Variants in ACOXL observed in about 807,000 individuals in gnomAD.
ACOXL encodes the protein acyl-coenzyme A oxidase-like protein.
A neutral mutation model predicts 71.9 loss-of-function variants in ACOXL; 70 were observed. That is an observed-to-expected ratio of 0.97 (90% CI 0.80 to 1.19). ACOXL has a LOEUF of 1.19. ACOXL is among the 50% of genes most tolerant of loss of function. ACOXL has a pLI of 0.00. For missense variants in ACOXL, 703 were observed against 736.3 expected (o/e 0.95, Z 0.52); for synonymous variants, 253 against 281.6 (o/e 0.90, Z 1.02).
intron 3 of ACOXL, among the ~76,000 whole-genome samples, chr2:110,786,321 TAAAAAC>T (rs1414711451): frequency 6.6e-6 from 1 of 152,138 alleles, no homozygotes; most frequent in Non-Finnish European, 1.5e-5. Context: ...AGGTAGGAAT[TAAAAAC>T]AAAGATATCT....
intron 10 of ACOXL, among the ~76,000 whole-genome samples, chr2:110,856,685 A>G (rs1379822191): frequency 6.6e-6 from 1 of 152,222 alleles, no homozygotes; most frequent in Admixed American, 6.5e-5. Flanking sequence ...CTTAATTAAG[A>G]TGGAAATTAA....
At chr2:110,872,566 C>T (rs964915698) in intron 10 of ACOXL, among the ~76,000 whole-genome samples, 1 of 152,228 alleles carries the variant, frequency 6.6e-6, no homozygotes, top group Admixed American at 6.5e-5. Flanking sequence ...TAGCCTCTCC[C>T]AGGTTCTCAT....
intron 14 of ACOXL, among the ~76,000 whole-genome samples, chr2:110,999,257 T>A (rs1228520112): frequency 6.6e-6 from 1 of 152,146 alleles, no homozygotes; most frequent in African/African-American, 2.4e-5. Flanking sequence ...GTCCTTCTTC[T>A]TATAAGAATA....
At chr2:111,035,654 G>A (rs555102070) in intron 15 of ACOXL, among the ~76,000 whole-genome samples, 14 of 152,300 alleles carry the variant, frequency 9.2e-5, no homozygotes, top group Admixed American at 3.3e-4. Flanking sequence ...AGAGCAGGTT[G>A]TAATTATAAT....
chr2:110,810,877 C>G (rs961839526), intron 9 of ACOXL, among the ~76,000 whole-genome samples: 1 of 152,192 alleles, frequency 6.6e-6, no homozygotes, highest in African/African-American at 2.4e-5. Flanking sequence ...CCTTAGGAAA[C>G]TTACAGTCAT....
At chr2:110,985,783 T>C (rs2062906887) in intron 12 of ACOXL, among the ~76,000 whole-genome samples, 1 of 152,190 alleles carries the variant, frequency 6.6e-6, no homozygotes, top group Admixed American at 6.5e-5. Context: ...TGCCTGCATG[T>C]ATTTTACCAC....
At chr2:111,038,915 G>A (rs886689842) in intron 15 of ACOXL, among the ~76,000 whole-genome samples, 4 of 152,064 alleles carry the variant, frequency 2.6e-5, no homozygotes, top group Non-Finnish European at 4.4e-5. Context: ...CATAGAAAAA[G>A]CAACTGTCTG....
At chr2:110,734,551 T>C (rs1454795363) in intron 1 of ACOXL, among the ~76,000 whole-genome samples, 1 of 152,078 alleles carries the variant, frequency 6.6e-6, no homozygotes, top group African/African-American at 2.4e-5. Flanking sequence ...GACCTCATAA[T>C]TCTTAACAGT....
rs201331384 is a variant in ACOXL at position 111,052,852 on chromosome 2, A to AC, written c.1440+3571dup. 5.3e-3 allele frequency among the ~76,000 whole-genome samples: 781 copies of AC among 147,762 alleles called. 8 individuals carry two copies. Among genetic ancestry groups the AC allele is most frequent in the Non-Finnish European group, 7.8e-3 (524 of 66,848 alleles). On this transcript the variant is annotated intron_variant, in intron 16 of 17. Transcript: ENST00000439055. Reference sequence around the variant, plus strand: ...AAACCCCACCAGTTTCTGTCCTCCCACCCCCCCAATCTAGGAACTGTGGGG... The same window carrying AC: ...AAACCCCACCAGTTTCTGTCCTCCCACCCCCCCCAATCTAGGAACTGTGGGG...
chr2:111,051,756 C>G (rs571319233), intron 16 of ACOXL, among the ~76,000 whole-genome samples: 44 of 152,336 alleles, frequency 2.9e-4, no homozygotes, highest in African/African-American at 1.0e-3. Flanking sequence ...AGACATACGC[C>G]ACTGCGCCCA....
At chr2:110,912,638 A>T (rs2149254999) in intron 11 of ACOXL, among the ~76,000 whole-genome samples, 1 of 152,248 alleles carries the variant, frequency 6.6e-6, no homozygotes, top group Middle Eastern at 3.4e-3. Context: ...TAAGACCTAA[A>T]ACAATAAATC....
intron 12 of ACOXL, among the ~76,000 whole-genome samples, chr2:110,936,686 T>G (rs1036243443): frequency 1.2e-4 from 19 of 152,138 alleles, no homozygotes; most frequent in African/African-American, 4.6e-4. Flanking sequence ...CTGGAAATAA[T>G]TAAGGATACA....
In ACOXL at chr2:110,963,602, TG is replaced by T. The variant is rs58939588; in HGVS notation, c.1060-23505del. 63 of 1,294,758 alleles carry T rather than the reference TG, an allele frequency of 4.9e-5. No individual in the cohort carries two copies. In the African/African-American group the frequency reaches 1.6e-3, roughly 34 times the overall value. The allele number at this position is 1,294,758 out of a possible 1,614,324, so 80.2% of individuals were successfully genotyped here. ...GTGTGTGTGTGTGTGTGTGTGTGTG[TG>T]TTTTTCTCTTTCTGCAACAGGGTTA... On this transcript the variant is annotated intron_variant, in intron 12 of 17. Transcript: ENST00000439055.
intron 10 of ACOXL, among the ~76,000 whole-genome samples, chr2:110,905,678 G>T (rs1350045082): frequency 6.6e-6 from 1 of 152,144 alleles, no homozygotes; most frequent in Admixed American, 6.5e-5. Context: ...GAGTGGAAAG[G>T]GCTCTGGCGT....
intron 12 of ACOXL, among the ~76,000 whole-genome samples, chr2:110,982,339 C>G (rs2062744337): frequency 6.6e-6 from 1 of 152,056 alleles, no homozygotes; most frequent in Non-Finnish European, 1.5e-5. Flanking sequence ...TTCCGCTTCC[C>G]TTTGCCCTTC....
chr2:110,868,489 A>G (rs949063960), intron 10 of ACOXL, among the ~76,000 whole-genome samples: 15 of 152,230 alleles, frequency 9.9e-5, no homozygotes, highest in East Asian at 5.8e-4. Flanking sequence ...ACGTGAATCT[A>G]TTGGTTTTCA....
intron 10 of ACOXL, among the ~76,000 whole-genome samples, chr2:110,846,100 G>A (rs1225257386): frequency 6.6e-6 from 1 of 152,024 alleles, no homozygotes; most frequent in Non-Finnish European, 1.5e-5. Context: ...GTGTGGGTAG[G>A]GATACCTTTG....
intron 16 of ACOXL, among the ~76,000 whole-genome samples, chr2:111,066,207 A>G (rs572217608): frequency 2.0e-5 from 3 of 152,374 alleles, no homozygotes; most frequent in East Asian, 3.9e-4. Flanking sequence ...TTGCAATGAG[A>G]AAGAATGCAC....
At chr2:110,825,573 A>G (rs767198748) in intron 9 of ACOXL, among the ~76,000 whole-genome samples, 5 of 152,136 alleles carry the variant, frequency 3.3e-5, no homozygotes, top group African/African-American at 4.8e-5. Flanking sequence ...TTTTTTCCAA[A>G]TTAGCATGTA....
Sources: allele counts gnomAD v4.1 joint callset (sites outside exome capture counted in the v4.1 genomes callset), GRCh38; gene constraint gnomAD v4.1.1; transcripts MANE v1.5; gene names NCBI Gene and HGNC (gene_info 2026-07-23, HGNC 2026-07-21).